EMILIN1: variants seen among roughly 807,000 people sequenced by gnomAD.
EMILIN1 encodes the protein EMILIN-1.
A neutral mutation model predicts 82.4 loss-of-function variants in EMILIN1; 49 were observed. The ratio of observed to expected loss-of-function variants is 0.59; its 90% CI spans 0.47 to 0.75. The LOEUF (loss-of-function observed/expected upper bound fraction) is 0.75, where lower values mean the gene tolerates loss of function less well. EMILIN1 is among the 30% of genes least tolerant of loss of function. The pLI is 0.00. For missense variants in EMILIN1, 1,313 were observed against 1,366.4 expected (o/e 0.96, Z 0.62); for synonymous variants, 604 against 602.2 (o/e 1.00, Z -0.04).
At position 27,078,978 on chromosome 2, in the gene EMILIN1, C is replaced by T; in HGVS notation, c.-88C>T. 2.8e-6 allele frequency: 3 copies of T among 1,087,542 alleles called. No individual in the cohort carries two copies. Among genetic ancestry groups the T allele is most frequent in the Non-Finnish European group, 3.8e-6 (3 of 789,578 alleles). The allele number at this position is 1,087,542 out of a possible 1,614,324, so 67.4% of individuals were successfully genotyped here. A position where few individuals can be genotyped will look rare whatever the true frequency, so the allele number is the denominator to read the frequency against. On this transcript the variant is annotated 5_prime_UTR_variant, in exon 1 of 8. Transcript: ENST00000380320. ...ACGGACGGGCCGGGCTCGGGCTGTC[C>T]TGTGGAGCAGCAGCATCCCCGGGGC...
At position 27,085,887 on chromosome 2, in the gene EMILIN1, C is replaced by T. The variant is rs1226846532; in HGVS notation, c.2923C>T (p.Leu975=). ...PGTLGVFSLI[L]PLQAGDTVCV... The stretch of plus-strand genomic sequence containing the variant: ...CACCCTGGGCGTCTTCAGCCTCATC[C>T]TGCCGCTGCAGGCCGGGGACACGGT... Residue 975 remains leucine, a synonymous_variant, in exon 8 of 8, where the codon CTG becomes TTG. Transcript: ENST00000380320. 1 of 1,579,822 alleles carries T rather than the reference C, an allele frequency of 6.3e-7. No individual in the cohort carries two copies. The highest frequency in any genetic ancestry group is 8.6e-7 in the Non-Finnish European group (1 of 1,160,732).
Position 27,083,542 on chromosome 2 carries a change from C to G in EMILIN1, c.1971C>G (p.Leu657=). 6.2e-7 allele frequency: 1 copy of G among 1,614,130 alleles called. No individual in the cohort carries two copies. The highest frequency in any genetic ancestry group is 8.5e-7 in the Non-Finnish European group (1 of 1,180,002). ...AGGTTATTCTCAGCTTCAGCTCCCTCAATGACTCACTGAATGAGCTCCAGA... is the reference window on the plus strand; with the variant it reads ...AGGTTATTCTCAGCTTCAGCTCCCTGAATGACTCACTGAATGAGCTCCAGA... ...LSEVILSFSS[L]NDSLNELQTT... Residue 657 remains leucine, a synonymous_variant, in exon 4 of 8, where the codon CTC becomes CTG. Transcript: ENST00000380320.
chr2:27,083,986 C>G lies in EMILIN1; in HGVS notation c.2415C>G (p.His805Gln). The change falls in exon 4 of 8, where the codon CAC becomes CAG. Residue 805 changes from histidine (H) to glutamine (Q), a missense_variant. By Grantham distance (24) the His-to-Gln change is conservative (BLOSUM62 0). Transcript: ENST00000380320. ...SSLQLLEDRL[H>Q]QLSLKDLTGP... ...TGCAGCTCCTGGAGGACCGTCTGCA[C>G]CAGCTCAGCCTGAAGGACCTCACTG... 1 of 1,524,634 alleles carries G rather than the reference C, an allele frequency of 6.6e-7. No individual in the cohort carries two copies. 94.4% of individuals were successfully genotyped at this position (1,524,634 alleles called of 1,614,324 possible). A position where few individuals can be genotyped will look rare whatever the true frequency, so the allele number is the denominator to read the frequency against.
At chr2:27,085,355 T>C in intron 7 of EMILIN1, 58 bp downstream of exon 7, 3 of 1,592,586 alleles carry the variant, frequency 1.9e-6, no homozygotes, top group South Asian at 1.1e-5. Flanking sequence ...TGTGCAGTGA[T>C]ATCTTCCCAT....
intron 4 of EMILIN1, 57 bp from the exon 5 acceptor site, chr2:27,084,358 C>T: frequency 9.4e-7 from 1 of 1,060,842 alleles, no homozygotes; most frequent in Non-Finnish European, 1.4e-6. Flanking sequence ...ACCCACCTTC[C>T]TTACCCATTG....
At chr2:27,081,108 C>CGTGTGT (rs56048649) in intron 3 of EMILIN1, among the ~76,000 whole-genome samples, 156 bp downstream of exon 3, 6,548 of 142,534 alleles carry the variant, frequency 0.046, 226 homozygotes, top group African/African-American at 0.085. Flanking sequence ...ATTCCCTGCC[C>CGTGTGT]GTGTGTGTGT....
rs760050287 is a variant in EMILIN1, at chr2:27,082,841, CAGG to C, written c.1276_1278del (p.Glu426del). 8.2e-6 allele frequency: 13 copies of C among 1,576,580 alleles called. No individual in the cohort carries two copies. The highest frequency in any genetic ancestry group is 1.8e-5 in the Admixed American group (1 of 55,220). ...CTCCACCCTGGGCCCTTCGGAGGAGCAGGAGGAGAGCTGGCCTGGGGCTCCTGG... is the reference window on the plus strand; with the variant it reads ...CTCCACCCTGGGCCCTTCGGAGGAGCAGGAGAGCTGGCCTGGGGCTCCTGG... On this transcript the variant is annotated inframe_deletion, in exon 4 of 8. Coordinates refer to ENST00000380320, the MANE Select transcript of EMILIN1 (RefSeq NM_007046.4).
In EMILIN1 at chr2:27,083,749, A is replaced by G. The variant is rs1558434812; in HGVS notation, c.2178A>G (p.Arg726=). 1 of 1,613,348 alleles carries G rather than the reference A, an allele frequency of 6.2e-7. No homozygotes were observed. The highest frequency in any genetic ancestry group is 2.2e-5 in the East Asian group (1 of 44,834). ...GCCAGTGCCCCAGCTTAGAGGGGCG[A>G]TTGGGCCGTCTTGAGGGTGTCTGTG... ...QAGQCPSLEG[R]LGRLEGVCER... Residue 726 remains arginine (R), a synonymous_variant, in exon 4 of 8, where the codon CGA becomes CGG. Transcript: ENST00000380320.
Position 27,085,891 on chromosome 2 carries a change from C to A in EMILIN1, c.2927C>A (p.Pro976Gln). Residue 976 changes from proline to glutamine, a missense_variant, in exon 8 of 8, where the codon CCG becomes CAG. By Grantham distance (76) the Pro-to-Gln change is moderately conservative. Coordinates refer to ENST00000380320, the MANE Select transcript of EMILIN1 (RefSeq NM_007046.4). ...GTLGVFSLIL[P>Q]LQAGDTVCVD... ...CTGGGCGTCTTCAGCCTCATCCTGC[C>A]GCTGCAGGCCGGGGACACGGTCTGC... The A allele has an allele frequency of 6.4e-7, 1 of 1,573,760 alleles. No individual in the cohort carries two copies. The highest frequency in any genetic ancestry group is 8.6e-7 in the Non-Finnish European group (1 of 1,157,380).
chr2:27,083,286 G>GGCT lies in EMILIN1; in HGVS notation c.1721_1723dup (p.Leu574dup). The GGCT allele has an allele frequency of 6.2e-7, 1 of 1,613,124 alleles. No individual in the cohort carries two copies. Among genetic ancestry groups the GGCT allele is most frequent in the Non-Finnish European group, 8.5e-7 (1 of 1,179,720 alleles). ...GCGGCCCGGCTAGGCCAACTGGAGG[G>GGCT]GCTGCTGCAGGCCCATGGGGATGAG... On this transcript the variant is annotated inframe_insertion, in exon 4 of 8. Coordinates refer to ENST00000380320, the MANE Select transcript of EMILIN1 (RefSeq NM_007046.4).
intron 2 of EMILIN1, among the ~76,000 whole-genome samples, chr2:27,080,525 C>T (rs1443213823): frequency 1.3e-5 from 2 of 152,160 alleles, no homozygotes; most frequent in African/African-American, 4.8e-5. Context: ...GGTTCCAGCA[C>T]AGGGCAAGGG....
rs1477683144 is a variant in EMILIN1 at position 27,083,628 on chromosome 2, T to C, written c.2057T>C (p.Ile686Thr). 1 of 1,612,614 alleles carries C rather than the reference T, an allele frequency of 6.2e-7. No individual in the cohort carries two copies. The highest frequency in any genetic ancestry group is 8.5e-7 in the Non-Finnish European group (1 of 1,178,802). The stretch of plus-strand genomic sequence containing the variant: ...CTGGGGGCAACCAAGGACCGTATCA[T>C]TTCTGAGATTAACAGGCTGCAGCAG... The part of the protein sequence containing the change: ...ADLGATKDRI[I>T]SEINRLQQEA... Residue 686 changes from isoleucine (I) to threonine (T), a missense_variant, in exon 4 of 8, where the codon ATT becomes ACT. Transcript: ENST00000380320.
At chr2:27,085,370 GC>G in intron 7 of EMILIN1, 73 bp downstream of exon 7, 1 of 1,562,904 alleles carries the variant, frequency 6.4e-7, no homozygotes, top group East Asian at 2.3e-5. Flanking sequence ...TCCCATTCTT[GC>G]CTTTTCCGAC....
At position 27,083,854 on chromosome 2, in the gene EMILIN1, G is replaced by C. The variant is rs1669538906; in HGVS notation, c.2283G>C (p.Gly761=). Residue 761 remains glycine, a synonymous_variant, in exon 4 of 8, where the codon GGG becomes GGC. Coordinates refer to ENST00000380320, the MANE Select transcript of EMILIN1 (RefSeq NM_007046.4). ...LSRHVAGLWA[G]LRETNTTSQM... The stretch of plus-strand genomic sequence containing the variant: ...GACACGTGGCTGGGCTCTGGGCTGG[G>C]CTCCGGGAAACCAACACCACCAGCC... 1 of 1,606,030 alleles carries C rather than the reference G, an allele frequency of 6.2e-7. No homozygotes were observed. The highest frequency in any genetic ancestry group is 1.1e-5 in the South Asian group (1 of 90,582).
Position 27,078,955 on chromosome 2 carries a change from G to T in EMILIN1, c.-111G>T, listed in dbSNP as rs773672324. 8.5e-6 allele frequency: 7 copies of T among 823,220 alleles called. No homozygotes were observed. The highest frequency in any genetic ancestry group is 3.8e-5 in the Admixed American group (1 of 26,364). 51.0% of individuals were successfully genotyped at this position (823,220 alleles called of 1,614,324 possible). A position where few individuals can be genotyped will look rare whatever the true frequency, so the allele number is the denominator to read the frequency against. On this transcript the variant is annotated 5_prime_UTR_variant, in exon 1 of 8. Transcript: ENST00000380320. ...GGGGCTATCAGAAGGAAACTGGGAC[G>T]GACGGGCCGGGCTCGGGCTGTCCTG...
chr2:27,085,980 C>T lies in EMILIN1; in HGVS notation c.3016C>T (p.Leu1006=), dbSNP rs930578679. ...GCCGCTCACCATCTTCAGCGGGGCC[C>T]TGCTCTATGGGGACCCAGAGCTTGA... The part of the protein sequence containing the change: ...EEPLTIFSGA[L]LYGDPELEHA The change falls in exon 8 of 8, where the codon CTG becomes TTG. Residue 1006 remains leucine (L), a synonymous_variant. Transcript: ENST00000380320. 1.3e-6 allele frequency: 2 copies of T among 1,491,550 alleles called. No individual in the cohort carries two copies. The highest frequency in any genetic ancestry group is 1.8e-6 in the Non-Finnish European group (2 of 1,112,454). 92.4% of individuals were successfully genotyped at this position (1,491,550 alleles called of 1,614,324 possible).
At chr2:27,081,347 C>T (rs559261367) in intron 3 of EMILIN1, among the ~76,000 whole-genome samples, 1 of 152,302 alleles carries the variant, frequency 6.6e-6, no homozygotes, top group East Asian at 1.9e-4. Flanking sequence ...TCCTAGCATG[C>T]ATTGCACCTG....
At chr2:27,080,660 C>T in intron 2 of EMILIN1, 72 bp from the exon 3 acceptor site, 2 of 1,319,240 alleles carry the variant, frequency 1.5e-6, no homozygotes, top group South Asian at 1.4e-5. Context: ...CAGCTGCCCA[C>T]CCCTGAGGAC....
rs1290565265 is a variant in EMILIN1 at position 27,083,799 on chromosome 2, G to T, written c.2228G>T (p.Gly743Val). 2 of 1,603,276 alleles carry T rather than the reference G, an allele frequency of 1.2e-6. No homozygotes were observed. Among genetic ancestry groups the T allele is most frequent in the South Asian group, 1.1e-5 (1 of 90,704 alleles). Residue 743 changes from glycine to valine, a missense_variant, in exon 4 of 8, where the codon GGA becomes GTA. Transcript: ENST00000380320. ...VCERLDTVAGGLQGLREGLSR... is the reference protein window; with the variant it reads ...VCERLDTVAGVLQGLREGLSR... ...GAACGGTTGGACACTGTGGCTGGGG[G>T]ACTGCAGGGCCTGCGCGAGGGCCTT...
Sources: gnomAD v4.1 joint callset for allele counts (sites outside exome capture counted in the v4.1 genomes callset) on GRCh38, gnomAD v4.1.1 for gene constraint, MANE v1.5 for transcripts, NCBI Gene and HGNC (gene_info 2026-07-23, HGNC 2026-07-21) for gene names.